Variants in COL26A1 observed in about 807,000 individuals in gnomAD.
COL26A1 encodes collagen type XXVI alpha 1 chain.
A neutral mutation model predicts 59.3 loss-of-function variants in COL26A1; 41 were observed. The observed-to-expected ratio is 0.69, with a 90% CI of 0.54 to 0.90. COL26A1 has a LOEUF of 0.90. Ranked by LOEUF, COL26A1 falls within the 40% of genes least tolerant of loss-of-function variation. COL26A1 has a pLI of 0.00. For synonymous variants in COL26A1, 266 were observed against 256.0 expected (o/e 1.04, Z -0.37); for missense variants, 612 against 602.3 (o/e 1.02, Z -0.17).
chr7:101,533,966 G>A (rs770250083), intron 4 of COL26A1, among the ~76,000 whole-genome samples: 5 of 152,226 alleles, frequency 3.3e-5, no homozygotes, highest in South Asian at 2.1e-4. Flanking sequence ...TGAAGGGTGC[G>A]TGTGGGGCGC....
chr7:101,458,804 CT>C (rs35208249), intron 3 of COL26A1, among the ~76,000 whole-genome samples: 8,321 of 140,282 alleles, frequency 0.059, 268 homozygotes, highest in Non-Finnish European at 0.077. Flanking sequence ...AAACCTGGGT[CT>C]TTTTTTTTTT....
chr7:101,476,142 T>TTG (rs56666965), intron 3 of COL26A1, among the ~76,000 whole-genome samples: 4,766 of 146,238 alleles, frequency 0.033, 116 homozygotes, highest in East Asian at 0.11. Flanking sequence ...TCCCAGCTAA[T>TTG]TGTGTGTGTG....
At chr7:101,537,231 G>C (rs1466899517) in intron 4 of COL26A1, among the ~76,000 whole-genome samples, 2 of 152,190 alleles carry the variant, frequency 1.3e-5, no homozygotes, top group Admixed American at 1.3e-4. Context: ...CCTGGGACAG[G>C]CTGGCAGGCA....
intron 2 of COL26A1, among the ~76,000 whole-genome samples, chr7:101,441,929 A>G (rs1793067256): frequency 6.6e-6 from 1 of 152,188 alleles, no homozygotes; most frequent in Non-Finnish European, 1.5e-5. Context: ...TATCCTCATC[A>G]TACAGACCAG....
intron 1 of COL26A1, among the ~76,000 whole-genome samples, chr7:101,375,339 TCA>T (rs139021026): frequency 0.05 from 7,537 of 152,156 alleles, 203 homozygotes; most frequent in Non-Finnish European, 0.065. Context: ...AAGGCTTCTC[TCA>T]GATGGTGTAG....
chr7:101,437,803 T>C (rs1275418160), intron 2 of COL26A1, among the ~76,000 whole-genome samples: 1 of 151,468 alleles, frequency 6.6e-6, no homozygotes, highest in African/African-American at 2.4e-5. Flanking sequence ...CTAAAACTCC[T>C]GGACTCAAGC....
chr7:101,557,335 T>C, intron 12 of COL26A1, 35 bp from the exon 13 acceptor site: 1 of 1,592,786 alleles, frequency 6.3e-7, no homozygotes, highest in East Asian at 2.3e-5. Flanking sequence ...TTCCTAAGGC[T>C]CTACCTCGAG....
chr7:101,421,062 G>C (rs1004834909), intron 2 of COL26A1, among the ~76,000 whole-genome samples: 1 of 152,106 alleles, frequency 6.6e-6, no homozygotes, highest in African/African-American at 2.4e-5. Context: ...CTCCCTAACG[G>C]GACATTTTGC....
At chr7:101,442,897 G>C (rs557470565) in intron 2 of COL26A1, among the ~76,000 whole-genome samples, 1 of 152,116 alleles carries the variant, frequency 6.6e-6, no homozygotes, top group Non-Finnish European at 1.5e-5. Context: ...GTGCAAGCAC[G>C]AGTGTGCACA....
At chr7:101,463,779 T>TTCTCTC (rs1207717085) in intron 3 of COL26A1, among the ~76,000 whole-genome samples, 2 of 122,660 alleles carry the variant, frequency 1.6e-5, no homozygotes, top group African/African-American at 6.6e-5. Context: ...CCTTCTTTCT[T>TTCTCTC]TCTTTCTTCC....
intron 1 of COL26A1, among the ~76,000 whole-genome samples, chr7:101,382,225 A>G (rs1791466288): frequency 6.6e-6 from 1 of 151,952 alleles, no homozygotes; most frequent in African/African-American, 2.4e-5. Flanking sequence ...ATTTTTAAAT[A>G]TTTTGTAAAG....
chr7:101,392,429 TCTCA>T (rs1005500996), intron 1 of COL26A1, among the ~76,000 whole-genome samples: 2 of 127,752 alleles, frequency 1.6e-5, no homozygotes, highest in African/African-American at 6.1e-5. Context: ...TAAGATGGAG[TCTCA>T]CTCTGTCATC....
chr7:101,510,786 T>C (rs1421239729), intron 3 of COL26A1, among the ~76,000 whole-genome samples: 2 of 150,928 alleles, frequency 1.3e-5, no homozygotes, highest in Admixed American at 6.6e-5. Flanking sequence ...TCCCAGAACA[T>C]TGGGATTACA....
intron 5 of COL26A1, among the ~76,000 whole-genome samples, chr7:101,543,331 G>C (rs1036855877): frequency 6.6e-6 from 1 of 152,076 alleles, no homozygotes; most frequent in Non-Finnish European, 1.5e-5. Flanking sequence ...CACTATGCCC[G>C]GTTAACTTTT....
chr7:101,405,223 G>T (rs556457586), intron 1 of COL26A1, among the ~76,000 whole-genome samples: 1 of 150,712 alleles, frequency 6.6e-6, no homozygotes, highest in South Asian at 2.1e-4. Flanking sequence ...GCGAGACTCC[G>T]TCTCTAAAAA....
Position 101,416,775 on chromosome 7 carries a change from T to C in COL26A1, c.159-3202T>C, listed in dbSNP as rs1217371874. Among the ~76,000 whole-genome samples, 2 of 143,838 alleles carry C rather than the reference T, an allele frequency of 1.4e-5. 1 individual carries two copies. The highest frequency in any genetic ancestry group is 3.2e-5 in the Non-Finnish European group (2 of 63,478). 94.4% of individuals were successfully genotyped at this position (143,838 alleles called of 152,430 possible). A position where few individuals can be genotyped will look rare whatever the true frequency, so the allele number is the denominator to read the frequency against. ...GTGTGTATGTCACAGGGTCTTGCTC[T>C]GTCACCCAGTGTGGAGTGCAGCGGT... On this transcript the variant is annotated intron_variant, in intron 1 of 12. Coordinates refer to ENST00000313669, the MANE Select transcript of COL26A1 (RefSeq NM_001278563.3).
Position 101,489,653 on chromosome 7 carries a change from CT to C in COL26A1, c.385+41869del, listed in dbSNP as rs1404460954. Among the ~76,000 whole-genome samples the C allele has an allele frequency of 3.5e-3, 263 of 74,936 alleles. 22 individuals carry two copies. Among genetic ancestry groups the C allele is most frequent in the Admixed American group, 8.4e-3 (70 of 8,330 alleles). 49.2% of individuals were successfully genotyped at this position (74,936 alleles called of 152,430 possible). A position where few individuals can be genotyped will look rare whatever the true frequency, so the allele number is the denominator to read the frequency against. The stretch of plus-strand genomic sequence containing the variant: ...TCTTTCTTTCTTTCTTTCTTTCTTT[CT>C]TTCTTTCTTCCTTCCTTCCTTCCTT... On this transcript the variant is annotated intron_variant, in intron 3 of 12. Coordinates refer to ENST00000313669, the MANE Select transcript of COL26A1 (RefSeq NM_001278563.3).
intron 5 of COL26A1, 54 bp from the exon 6 acceptor site, chr7:101,543,944 A>T: frequency 7.5e-7 from 1 of 1,337,622 alleles, no homozygotes; most frequent in Non-Finnish European, 1.0e-6. Context: ...GCCTGGAGCC[A>T]CTGGAGGCTG....
At chr7:101,502,599 C>T (rs1794728069) in intron 3 of COL26A1, among the ~76,000 whole-genome samples, 1 of 152,088 alleles carries the variant, frequency 6.6e-6, no homozygotes, top group Non-Finnish European at 1.5e-5. Context: ...AGGACCGGGG[C>T]CGGAGTTGGG....
Sources: allele counts gnomAD v4.1 joint callset (sites outside exome capture counted in the v4.1 genomes callset), GRCh38; gene constraint gnomAD v4.1.1; transcripts MANE v1.5; gene names NCBI Gene and HGNC (gene_info 2026-07-23, HGNC 2026-07-21).